Variants in SRPRB observed in about 807,000 individuals in gnomAD.
SRPRB encodes SRP receptor subunit beta, also known as signal recognition particle receptor subunit beta.
SRPRB carries 20 observed loss-of-function variants against 31.9 expected under a neutral mutation model. The observed-to-expected ratio is 0.63, with a 90% confidence interval of 0.44 to 0.91. The LOEUF is 0.91. Ranked by LOEUF, SRPRB falls within the 40% of genes least tolerant of loss-of-function variation. SRPRB has a pLI of 0.00. For missense variants in SRPRB, 321 were observed against 324.9 expected (o/e 0.99, Z 0.09); for synonymous variants, 146 against 132.8 (o/e 1.10, Z -0.68).
chr3:133,811,967 GT>G (rs1158698681), intron 4 of SRPRB, among the ~76,000 whole-genome samples: 1 of 151,764 alleles, frequency 6.6e-6, no homozygotes, highest in East Asian at 1.9e-4. Flanking sequence ...GTGCTCTGGT[GT>G]TACTGACTCT....
intron 1 of SRPRB, chr3:133,795,770 G>T (rs1934953401): frequency 6.6e-6 from 1 of 151,908 alleles, no homozygotes; most frequent in Non-Finnish European, 1.5e-5. Flanking sequence ...TGGAGACGGG[G>T]TTTCACCATG....
Position 133,815,657 on chromosome 3 carries a change from T to C in SRPRB, c.478T>C (p.Tyr160His), listed in dbSNP as rs541697766. Residue 160 changes from tyrosine to histidine, a missense_variant, in exon 5 of 7, where the codon TAT becomes CAT. Tyr to His is a moderately conservative substitution (Grantham distance 83). Transcript: ENST00000678299. ...REVKDVAEFL[Y>H]QVLIDSMGLK... ...GGTGAAAGATGTGGCTGAGTTTCTG[T>C]ATCAAGTCCTCATTGACAGTATGGG... 2 of 1,614,092 alleles carry C rather than the reference T, an allele frequency of 1.2e-6. No individual in the cohort carries two copies. Among genetic ancestry groups the C allele is most frequent in the South Asian group, 1.1e-5 (1 of 91,056 alleles).
chr3:133,789,059 G>A (rs77478723), intron 1 of SRPRB: 5 of 152,280 alleles, frequency 3.3e-5, no homozygotes, highest in South Asian at 2.1e-4. Context: ...TGGTGCCCAC[G>A]TAAGGTCAGA....
chr3:133,801,491 A>T (rs983104365), upstream of SRPRB, among the ~76,000 whole-genome samples: 1 of 152,188 alleles, frequency 6.6e-6, no homozygotes, highest in African/African-American at 2.4e-5. Flanking sequence ...GAAGAAAAAA[A>T]GTCTCTTTTC....
At chr3:133,826,762 T>C (rs2107982143), downstream of SRPRB, 1 of 152,800 alleles carries the variant, frequency 6.5e-6, no homozygotes, top group South Asian at 2.1e-4. Flanking sequence ...AATCACAAGT[T>C]ATTTGACAAT....
chr3:133,825,687 C>T (rs2107981299), downstream of SRPRB: 1 of 152,326 alleles, frequency 6.6e-6, no homozygotes, highest in Middle Eastern at 3.4e-3. Flanking sequence ...CCATCTTACA[C>T]TCAACTTTCC....
chr3:133,792,434 T>TAACTC (rs1934864268), intron 1 of SRPRB: 1 of 152,226 alleles, frequency 6.6e-6, no homozygotes, highest in Non-Finnish European at 1.5e-5. Flanking sequence ...CTATGACTCT[T>TAACTC]AACTCTACAA....
chr3:133,819,856 C>G lies in SRPRB; in HGVS notation c.*90C>G. The G allele has an allele frequency of 8.8e-7, 1 of 1,133,860 alleles. No homozygotes were observed. 70.2% of individuals were successfully genotyped at this position (1,133,860 alleles called of 1,614,324 possible). ...GTCTGGAGTTGATGAGGAAGGGGTA[C>G]AAGATGTGGTTAGAAACATTTCTTT... On this transcript the variant is annotated 3_prime_UTR_variant, in exon 7 of 7. Coordinates refer to ENST00000678299, the MANE Select transcript of SRPRB (RefSeq NM_001379313.1).
chr3:133,797,633 C>T (rs1241641396), intron 1 of SRPRB, among the ~76,000 whole-genome samples: 4 of 152,176 alleles, frequency 2.6e-5, no homozygotes, highest in Non-Finnish European at 4.4e-5. Context: ...CATCAGGTGT[C>T]GGCAGGTGGG....
intron 3 of SRPRB, 110 bp downstream of exon 3, chr3:133,807,933 C>G (rs1935192553): frequency 5.3e-6 from 4 of 752,360 alleles, no homozygotes; most frequent in Non-Finnish European, 8.9e-6. Context: ...CCATTTGTAG[C>G]TTATTTTTAT....
chr3:133,811,196 C>T lies in SRPRB; in HGVS notation c.407C>T (p.Ala136Val). The T allele has an allele frequency of 6.2e-7, 1 of 1,614,018 alleles. No individual in the cohort carries two copies. Among genetic ancestry groups the T allele is most frequent in the Non-Finnish European group, 8.5e-7 (1 of 1,179,922 alleles). Reference sequence around the variant, plus strand: ...TTCTTAGAGCGGTTTAAGTCTTCAGCCAGGTAAGAAGGAAAGAAGTGAAGT... The same window carrying T: ...TTCTTAGAGCGGTTTAAGTCTTCAGTCAGGTAAGAAGGAAAGAAGTGAAGT... ...LQFLERFKSS[A>V]RAIVFVVDSA... Residue 136 changes from alanine (A) to valine (V), a missense_variant, in exon 4 of 7, where the codon GCC becomes GTC. By Grantham distance (64) the Ala-to-Val change is moderately conservative (BLOSUM62 0). Transcript: ENST00000678299.
In SRPRB at chr3:133,811,118, G is replaced by A. The variant is rs1398973163; in HGVS notation, c.329G>A (p.Gly110Asp). Residue 110 changes from glycine (G) to aspartate (D), a missense_variant and splice_region_variant, in exon 4 of 7, where the codon GGC (glycine) becomes GAC (aspartate). By Grantham distance (94) the Gly-to-Asp change is moderately conservative. Transcript: ENST00000678299. ...CAVYRVNNNRGNSLTLIDLPG... is the reference protein window; with the variant it reads ...CAVYRVNNNRDNSLTLIDLPG... Reference sequence around the variant, plus strand: ...TAATGTTATTGCTGCCATCCCCAGGGCAATAGTCTGACCTTGATTGACCTT... The same window carrying A: ...TAATGTTATTGCTGCCATCCCCAGGACAATAGTCTGACCTTGATTGACCTT... 6.2e-7 allele frequency: 1 copy of A among 1,614,052 alleles called. No homozygotes were observed. Among genetic ancestry groups the A allele is most frequent in the East Asian group, 2.2e-5 (1 of 44,880 alleles).
upstream of SRPRB, among the ~76,000 whole-genome samples, chr3:133,801,054 C>A (rs986911817): frequency 6.6e-6 from 1 of 152,228 alleles, no homozygotes; most frequent in African/African-American, 2.4e-5. Context: ...GTGTTAAATT[C>A]TGTTTTTAAA....
rs760659622 is a variant in SRPRB at position 133,820,856 on chromosome 3, T to C, written c.*1090T>C. 1 of 152,138 alleles carries C rather than the reference T, an allele frequency of 6.6e-6. No individual in the cohort carries two copies. The highest frequency in any genetic ancestry group is 1.5e-5 in the Non-Finnish European group (1 of 68,046). 9.4% of individuals were successfully genotyped at this position (152,138 alleles called of 1,614,324 possible). A position where few individuals can be genotyped will look rare whatever the true frequency, so the allele number is the denominator to read the frequency against. On this transcript the variant is annotated 3_prime_UTR_variant, in exon 7 of 7. Coordinates refer to ENST00000678299, the MANE Select transcript of SRPRB (RefSeq NM_001379313.1). Reference sequence around the variant, plus strand: ...ACTCCTTGTCTCCTGAGCCTAAAGATTGCAACATACACAAGAACACACTCC... The same window carrying C: ...ACTCCTTGTCTCCTGAGCCTAAAGACTGCAACATACACAAGAACACACTCC...
intron 4 of SRPRB, among the ~76,000 whole-genome samples, chr3:133,812,536 C>T (rs1935295897): frequency 6.6e-6 from 1 of 152,146 alleles, no homozygotes; most frequent in African/African-American, 2.4e-5. Flanking sequence ...AAATTATAAT[C>T]ATGATAACAT....
downstream of SRPRB, among the ~76,000 whole-genome samples, chr3:133,823,605 G>C (rs1000349254): frequency 3.3e-5 from 5 of 152,190 alleles, no homozygotes; most frequent in African/African-American, 1.2e-4. Context: ...GAAGAAGAGT[G>C]AGATTCCCGG....
At chr3:133,787,211 G>C (rs1934709390) in intron 1 of SRPRB, 1 of 152,186 alleles carries the variant, frequency 6.6e-6, no homozygotes, top group Non-Finnish European at 1.5e-5. Flanking sequence ...GTATGACAAA[G>C]TATCTAGTAA....
chr3:133,790,236 AAT>A (rs1185740454), intron 1 of SRPRB: 1 of 152,202 alleles, frequency 6.6e-6, no homozygotes, highest in African/African-American at 2.4e-5. Flanking sequence ...GATATGGGGA[AAT>A]ATGTTTCTAA....
At chr3:133,809,418 A>T (rs1003967632) in intron 3 of SRPRB, among the ~76,000 whole-genome samples, 1 of 151,988 alleles carries the variant, frequency 6.6e-6, no homozygotes, top group Non-Finnish European at 1.5e-5. Context: ...CCCCTTTCTC[A>T]TGCCTCCAGA....
Sources: gnomAD v4.1 joint callset for allele counts (sites outside exome capture counted in the v4.1 genomes callset) on GRCh38, gnomAD v4.1.1 for gene constraint, MANE v1.5 for transcripts, NCBI Gene and HGNC (gene_info 2026-07-23, HGNC 2026-07-21) for gene names.